The following USP15 variants were observed in gnomAD, a reference collection of about 807,000 sequenced individuals.
The protein encoded by USP15 is ubiquitin carboxyl-terminal hydrolase 15.
USP15 carries 18 observed loss-of-function variants against 127.1 expected under a neutral mutation model. The ratio of observed to expected loss-of-function variants is 0.14; its 90% CI spans 0.10 to 0.21. USP15 has a LOEUF of 0.21. Ranked by LOEUF, USP15 falls within the 10% of genes least tolerant of loss-of-function variation. USP15 has a pLI of 1.00. For missense variants in USP15, 805 were observed against 1,159.9 expected, an observed-to-expected ratio of 0.69 and a Z score of 4.44; for synonymous variants, 364 against 393.7, an observed-to-expected ratio of 0.92 and a Z score of 0.89.
chr12:62,380,246 T>G (rs2066949448), intron 8 of USP15, among the ~76,000 whole-genome samples: 1 of 151,804 alleles, frequency 6.6e-6, no homozygotes, highest in Non-Finnish European at 1.5e-5. Flanking sequence ...TATAGAAAGT[T>G]TCTAAATAGA....
Position 62,321,558 on chromosome 12 carries a change from A to C in USP15, c.570A>C (p.Pro190=). ...AATACATGAGTAACACATTTGAACCACTGAATAAACCAGACAGCACCATTC... is the reference window on the plus strand; with the variant it reads ...AATACATGAGTAACACATTTGAACCCCTGAATAAACCAGACAGCACCATTC... The part of the protein sequence containing the change: ...WNKYMSNTFE[P]LNKPDSTIQD... Residue 190 remains proline (P), a synonymous_variant, in exon 5 of 22, where the codon CCA becomes CCC. Coordinates refer to ENST00000280377, the MANE Select transcript of USP15 (RefSeq NM_001252078.2). 6.2e-7 allele frequency: 1 copy of C among 1,610,622 alleles called. No individual in the cohort carries two copies. Among genetic ancestry groups the C allele is most frequent in the Non-Finnish European group, 8.5e-7 (1 of 1,178,276 alleles).
intron 3 of USP15, among the ~76,000 whole-genome samples, chr12:62,311,910 G>A (rs1391178309): frequency 6.6e-6 from 1 of 151,786 alleles, no homozygotes; most frequent in Non-Finnish European, 1.5e-5. Context: ...GATATTAATT[G>A]ATTAGTTTTA....
intron 8 of USP15, among the ~76,000 whole-genome samples, chr12:62,361,103 T>G (rs2066299935): frequency 6.6e-6 from 1 of 152,076 alleles, no homozygotes; most frequent in Non-Finnish European, 1.5e-5. Context: ...AAGAAGAACC[T>G]ACGTTCTCAG....
intron 6 of USP15, among the ~76,000 whole-genome samples, chr12:62,343,653 G>T (rs550276937): frequency 6.6e-6 from 1 of 152,234 alleles, no homozygotes; most frequent in South Asian, 2.1e-4. Context: ...GAGGAGGGAG[G>T]TCCCCCAACT....
chr12:62,394,907 A>G (rs536268716), intron 19 of USP15, among the ~76,000 whole-genome samples: 31 of 152,026 alleles, frequency 2.0e-4, no homozygotes, highest in African/African-American at 6.5e-4. Context: ...TCAGAGATGT[A>G]TTTAAAATTT....
chr12:62,315,411 A>C (rs1014013082), intron 4 of USP15, among the ~76,000 whole-genome samples: 61 of 151,892 alleles, frequency 4.0e-4, no homozygotes, highest in African/African-American at 1.2e-3. Flanking sequence ...AATTCTCTCT[A>C]TATATTAAAA....
intron 4 of USP15, 94 bp from the exon 5 acceptor site, chr12:62,321,370 A>G: frequency 2.8e-6 from 2 of 723,052 alleles, no homozygotes; most frequent in Non-Finnish European, 4.0e-6. Flanking sequence ...TTCTATTAGT[A>G]TTTTAAAGAA....
At chr12:62,324,140 C>A (rs886738262) in intron 5 of USP15, among the ~76,000 whole-genome samples, 1 of 151,562 alleles carries the variant, frequency 6.6e-6, no homozygotes, top group African/African-American at 2.4e-5. Context: ...ATTTTGAAAT[C>A]TTTTCAAAAA....
chr12:62,346,733 C>A (rs2137409389), intron 6 of USP15, among the ~76,000 whole-genome samples: 1 of 152,284 alleles, frequency 6.6e-6, no homozygotes, highest in Middle Eastern at 3.4e-3. Flanking sequence ...TCCACATGCT[C>A]CAGCACAATT....
intron 8 of USP15, among the ~76,000 whole-genome samples, chr12:62,377,323 A>T (rs2066860819): frequency 6.6e-6 from 1 of 152,246 alleles, no homozygotes; most frequent in Non-Finnish European, 1.5e-5. Flanking sequence ...TGTTCTTATA[A>T]TTGTCAAAAA....
intron 3 of USP15, among the ~76,000 whole-genome samples, chr12:62,312,770 G>T (rs118044019): frequency 0.018 from 2,688 of 151,350 alleles, 37 homozygotes; most frequent in Non-Finnish European, 0.029. Context: ...TTATAAGCTT[G>T]TTTCTTCCTG....
intron 1 of USP15, among the ~76,000 whole-genome samples, chr12:62,292,402 A>G (rs2063998382): frequency 1.3e-5 from 2 of 152,210 alleles, no homozygotes; most frequent in Non-Finnish European, 2.9e-5. Context: ...GGACCCCTGA[A>G]ACTCTAGGCA....
intron 5 of USP15, among the ~76,000 whole-genome samples, chr12:62,324,827 A>C (rs1398253537): frequency 6.6e-6 from 1 of 151,958 alleles, no homozygotes; most frequent in African/African-American, 2.4e-5. Flanking sequence ...TACATTTTAC[A>C]TAGCTAGGCT....
chr12:62,289,994 TA>T (rs144987069), intron 1 of USP15, among the ~76,000 whole-genome samples: 3,379 of 151,802 alleles, frequency 0.022, 126 homozygotes, highest in African/African-American at 0.076. Context: ...GATTTCAATT[TA>T]AAAAAAAATT....
intron 6 of USP15, among the ~76,000 whole-genome samples, chr12:62,339,607 T>A (rs1441278281): frequency 6.6e-6 from 1 of 152,182 alleles, no homozygotes; most frequent in Non-Finnish European, 1.5e-5. Context: ...GATGTTGAAT[T>A]TTATTGAAGG....
chr12:62,325,722 GA>G, intron 5 of USP15, 149 bp from the exon 6 acceptor site: 2 of 543,188 alleles, frequency 3.7e-6, no homozygotes, highest in Non-Finnish European at 6.2e-6. Flanking sequence ...CTTTGGAATC[GA>G]AATGCAGATT....
Position 62,407,811 on chromosome 12 carries a change from A to G in USP15, c.*3436A>G, listed in dbSNP as rs1170765789. 1 of 152,106 alleles carries G rather than the reference A, an allele frequency of 6.6e-6. No homozygotes were observed. The highest frequency in any genetic ancestry group is 1.5e-5 in the Non-Finnish European group (1 of 68,028). The allele number at this position is 152,106 out of a possible 1,614,324, so 9.4% of individuals were successfully genotyped here. On this transcript the variant is annotated 3_prime_UTR_variant, in exon 22 of 22. Transcript: ENST00000280377. ...GGCTGGAGTGCAGTGACATAATCAT[A>G]GTTCACTGTAACCTTGAACTCCTGG...
intron 6 of USP15, 53 bp from the exon 7 acceptor site, chr12:62,349,168 A>C: frequency 9.2e-7 from 1 of 1,088,718 alleles, no homozygotes; most frequent in East Asian, 2.8e-5. Flanking sequence ...TTCATAATTA[A>C]TTTAAAAATT....
chr12:62,318,097 GCA>G (rs1410734613), intron 4 of USP15, among the ~76,000 whole-genome samples: 3 of 152,244 alleles, frequency 2.0e-5, no homozygotes, highest in African/African-American at 7.2e-5. Context: ...GGAAAAATAA[GCA>G]CACACTGTCA....
Sources: allele counts gnomAD v4.1 joint callset (sites outside exome capture counted in the v4.1 genomes callset), GRCh38; gene constraint gnomAD v4.1.1; transcripts MANE v1.5; gene names NCBI Gene and HGNC (gene_info 2026-07-23, HGNC 2026-07-21).